The following CLSTN1 variants were observed in gnomAD, a reference collection of about 807,000 sequenced individuals.
CLSTN1 encodes calsyntenin-1.
A neutral mutation model predicts 108.3 loss-of-function variants in CLSTN1; 28 were observed. That is an observed-to-expected ratio of 0.26 (90% CI 0.19 to 0.35). The LOEUF (loss-of-function observed/expected upper bound fraction) is 0.35, where lower values mean the gene tolerates loss of function less well. Ranked by LOEUF, CLSTN1 falls within the 10% of genes least tolerant of loss-of-function variation. The probability of loss-of-function intolerance (pLI) is 1.00; values close to 1 mark genes in which losing one functional copy is unlikely to be tolerated. For synonymous variants in CLSTN1, 524 were observed against 534.9 expected (o/e 0.98, Z 0.28); for missense variants, 1,157 against 1,302.6 (o/e 0.89, Z 1.72).
intron 1 of CLSTN1, among the ~76,000 whole-genome samples, chr1:9,796,130 T>G (rs1288223573): frequency 6.7e-6 from 1 of 149,616 alleles, no homozygotes; most frequent in Non-Finnish European, 1.5e-5. Flanking sequence ...GGCGTGGTGG[T>G]GGGCGCCTGT....
At chr1:9,765,628 C>T (rs1041392758) in intron 2 of CLSTN1, among the ~76,000 whole-genome samples, 2 of 152,136 alleles carry the variant, frequency 1.3e-5, no homozygotes, top group African/African-American at 4.8e-5. Flanking sequence ...ACCTGTAATC[C>T]CAGCACTCTG....
chr1:9,768,831 T>G (rs1570470862), intron 2 of CLSTN1, among the ~76,000 whole-genome samples: 1 of 99,278 alleles, frequency 1.0e-5, no homozygotes, highest in Non-Finnish European at 2.1e-5. Context: ...GGTTCTGTGT[T>G]GGGTGGCACC....
intron 1 of CLSTN1, among the ~76,000 whole-genome samples, chr1:9,813,030 G>C (rs1654827349): frequency 6.7e-6 from 1 of 148,710 alleles, no homozygotes; most frequent in Non-Finnish European, 1.5e-5. Context: ...CAGGCATGGT[G>C]GCGGGTGCCT....
intron 1 of CLSTN1, among the ~76,000 whole-genome samples, chr1:9,811,674 C>A (rs1471488831): frequency 6.9e-6 from 1 of 144,436 alleles, no homozygotes; most frequent in East Asian, 2.0e-4. Flanking sequence ...AAATGAAATT[C>A]AAGTCAGTGT....
At chr1:9,782,144 C>T (rs1017288180) in intron 1 of CLSTN1, among the ~76,000 whole-genome samples, 25 of 152,106 alleles carry the variant, frequency 1.6e-4, no homozygotes, top group Admixed American at 1.6e-3. Flanking sequence ...TGTTGGGCAG[C>T]TAATAATGTG....
chr1:9,793,115 C>A (rs1026246051), intron 1 of CLSTN1, among the ~76,000 whole-genome samples: 2 of 151,180 alleles, frequency 1.3e-5, no homozygotes, highest in Non-Finnish European at 2.9e-5. Flanking sequence ...CAGATTCAAG[C>A]GATTCTCCTG....
rs761111091 is a variant in CLSTN1, at chr1:9,744,662, G to A, written c.986-19C>T. On this transcript the variant is annotated intron_variant, in intron 7 of 18. Transcript: ENST00000377298. ...GCCGCACCTGAAGCCACAGTGCTCG[G>A]TGAAACTCATGTGAGGAGCCAGAGG... is the stretch of plus-strand genomic sequence containing the variant. The A allele has an allele frequency of 5.0e-6, 8 of 1,596,440 alleles. No homozygotes were observed. In the East Asian group the frequency reaches 6.7e-5, roughly 13 times the overall value.
rs964419789 is a variant in CLSTN1, at chr1:9,734,895, C to A, written c.2110+53G>T. ...AAGAGCCCCGCCAAGTACATGGGGA[C>A]AATGGGGTTTCCGGCCGAGGCGAGG... On this transcript the variant is annotated intron_variant, in intron 14 of 18. Transcript: ENST00000377298. The surrounding 1 kb of genome is among the most constrained non-coding windows in gnomAD (Gnocchi z 4.8). 1.4e-6 allele frequency: 2 copies of A among 1,468,196 alleles called. No homozygotes were observed. Among genetic ancestry groups the A allele is most frequent in the African/African-American group, 1.4e-5 (1 of 71,984 alleles). 90.9% of individuals were successfully genotyped at this position (1,468,196 alleles called of 1,614,324 possible).
At chr1:9,740,392 C>T (rs1301072649) in intron 10 of CLSTN1, among the ~76,000 whole-genome samples, 1 of 152,172 alleles carries the variant, frequency 6.6e-6, no homozygotes, top group East Asian at 1.9e-4. Context: ...AATTCAAAAC[C>T]CTGGCTCCTG....
At chr1:9,744,729 C>T (rs895936055) in intron 7 of CLSTN1, 86 bp from the exon 8 acceptor site, 19 of 1,403,670 alleles carry the variant, frequency 1.4e-5, no homozygotes, top group Non-Finnish European at 1.8e-5. Context: ...TTGTCTTACA[C>T]TTAGGCAATC....
At position 9,773,313 on chromosome 1, in the gene CLSTN1, G is replaced by A. The variant is rs757749011; in HGVS notation, c.173C>T (p.Pro58Leu). ...CGCATCTTTATCCAGCGCGATCAGT[G>A]GGGGGTCGAGGAGCACGGTGTTGTC... ...ENDNTVLLDP[P>L]LIALDKDAPL... The change falls in exon 2 of 19, where the codon CCA (proline) becomes CTA (leucine). Residue 58 changes from proline to leucine, a missense_variant. Pro to Leu is a moderately conservative substitution (Grantham distance 98). Coordinates refer to ENST00000377298, the MANE Select transcript of CLSTN1 (RefSeq NM_001009566.3). 1.9e-6 allele frequency: 3 copies of A among 1,613,986 alleles called. No individual in the cohort carries two copies. Among genetic ancestry groups the A allele is most frequent in the South Asian group, 1.1e-5 (1 of 91,068 alleles).
At chr1:9,744,049 A>G in intron 8 of CLSTN1, 44 bp from the exon 9 acceptor site, 1 of 1,601,614 alleles carries the variant, frequency 6.2e-7, no homozygotes, top group Non-Finnish European at 8.5e-7. Flanking sequence ...CTAAAGATCC[A>G]AAGGAGAAAT....
At chr1:9,824,048 A>T (rs1054230216), upstream of CLSTN1, 2 of 142,342 alleles carry the variant, frequency 1.4e-5, no homozygotes, top group African/African-American at 2.6e-5. The surrounding 1 kb of genome is among the most constrained non-coding windows in gnomAD (Gnocchi z 5.0). Context: ...ATGGGGAGCG[A>T]CGCGAGGCGC....
At position 9,773,265 on chromosome 1, in the gene CLSTN1, T is replaced by C. The variant is rs188677276; in HGVS notation, c.214+7A>G. On this transcript the variant is annotated splice_region_variant and intron_variant, in intron 2 of 18. Coordinates refer to ENST00000377298, the MANE Select transcript of CLSTN1 (RefSeq NM_001009566.3). ...TCATCAAGAGTCAATGAAAGCCCCG[T>C]TCCTACCTGCAAATCGCAGAGGCGC... 3 of 1,613,900 alleles carry C rather than the reference T, an allele frequency of 1.9e-6. No individual in the cohort carries two copies. The highest frequency in any genetic ancestry group is 2.5e-6 in the Non-Finnish European group (3 of 1,179,876).
chr1:9,730,758 C>T lies in CLSTN1; in HGVS notation c.2749-53G>A. On this transcript the variant is annotated intron_variant, in intron 18 of 18. Transcript: ENST00000377298. This position sits in a 1 kb window ranked among gnomAD's most constrained non-coding sequence, Gnocchi z 5.6. ...AGTCCGGCCCTGCCCACAGCCCCGT[C>T]ACCTGGCATTCTCCTCTCGACAGCC... The T allele has an allele frequency of 6.7e-7, 1 of 1,500,216 alleles. No individual in the cohort carries two copies. The highest frequency in any genetic ancestry group is 9.0e-7 in the Non-Finnish European group (1 of 1,108,156). The allele number at this position is 1,500,216 out of a possible 1,614,324, so 92.9% of individuals were successfully genotyped here. A position where few individuals can be genotyped will look rare whatever the true frequency, so the allele number is the denominator to read the frequency against.
In CLSTN1 at chr1:9,771,807, T is replaced by G. The variant is rs1033787747; in HGVS notation, c.214+1465A>C. 2.6e-5 allele frequency among the ~76,000 whole-genome samples: 4 copies of G among 152,168 alleles called. No individual in the cohort carries two copies. In the South Asian group the frequency reaches 6.2e-4, roughly 24 times the overall value. On this transcript the variant is annotated intron_variant, in intron 2 of 18. Coordinates refer to ENST00000377298, the MANE Select transcript of CLSTN1 (RefSeq NM_001009566.3). ...GCACAAGCTGGTTCACGGGTGACTG[T>G]GCTGAAAATGTGATGTGGCGCCTAA...
chr1:9,805,369 G>A (rs1010688800), intron 1 of CLSTN1, among the ~76,000 whole-genome samples: 1 of 152,166 alleles, frequency 6.6e-6, no homozygotes. Context: ...CGGGGGCAGG[G>A]AGGAATCCCC....
At chr1:9,747,160 CAG>C (rs1651308220) in intron 7 of CLSTN1, among the ~76,000 whole-genome samples, 1 of 111,130 alleles carries the variant, frequency 9.0e-6, no homozygotes, top group African/African-American at 3.6e-5. Flanking sequence ...GCCTGGGCGA[CAG>C]AGGGAGACTG....
chr1:9,796,142 A>G lies in CLSTN1; in HGVS notation c.92-22748T>C, dbSNP rs191228231. On this transcript the variant is annotated intron_variant, in intron 1 of 18. Coordinates refer to ENST00000377298, the MANE Select transcript of CLSTN1 (RefSeq NM_001009566.3). Reference sequence around the variant, plus strand: ...CTGGGCGTGGTGGTGGGCGCCTGTAATCCCAGCTACTCGGGGGGCTGAAGC... The same window carrying G: ...CTGGGCGTGGTGGTGGGCGCCTGTAGTCCCAGCTACTCGGGGGGCTGAAGC... Among the ~76,000 whole-genome samples, 9 of 148,226 alleles carry G rather than the reference A, an allele frequency of 6.1e-5. 2 individuals are homozygous for G. In the East Asian group the frequency reaches 1.2e-3, roughly 21 times the overall value.
Sources: allele counts gnomAD v4.1 joint callset (sites outside exome capture counted in the v4.1 genomes callset), GRCh38; gene constraint gnomAD v4.1.1; non-coding constraint Gnocchi (gnomAD v3.1); transcripts MANE v1.5; gene names NCBI Gene and HGNC (gene_info 2026-07-23, HGNC 2026-07-21).